Variants in JAK2 observed in about 807,000 individuals in gnomAD.
JAK2 encodes the protein Janus kinase 2.
A neutral mutation model predicts 139.3 loss-of-function variants in JAK2; 86 were observed. The observed-to-expected ratio is 0.62, with a 90% CI of 0.52 to 0.74. JAK2 has a LOEUF of 0.74. Ranked by LOEUF, JAK2 falls within the 30% of genes least tolerant of loss-of-function variation. The probability of loss-of-function intolerance (pLI) is 0.00; values close to 1 mark genes in which losing one functional copy is unlikely to be tolerated. For synonymous variants in JAK2, 490 were observed against 437.7 expected, an observed-to-expected ratio of 1.12 and a Z score of -1.49; for missense variants, 1,421 against 1,360.3, an observed-to-expected ratio of 1.04 and a Z score of -0.70.
intron 22 of JAK2, among the ~76,000 whole-genome samples, chr9:5,102,044 C>T (rs1045773294): frequency 1.7e-4 from 26 of 152,114 alleles, no homozygotes; most frequent in African/African-American, 3.4e-4. Context: ...ATGACTTTGA[C>T]GAGCTGACAG....
intron 2 of JAK2, among the ~76,000 whole-genome samples, chr9:4,994,635 A>G (rs1245025482): frequency 2.6e-5 from 4 of 152,226 alleles, no homozygotes; most frequent in African/African-American, 9.7e-5. Context: ...GCAGTTATAG[A>G]CAATACGTAA....
intron 22 of JAK2, among the ~76,000 whole-genome samples, chr9:5,120,858 A>G (rs1199815268): frequency 6.6e-6 from 1 of 152,224 alleles, no homozygotes; most frequent in Non-Finnish European, 1.5e-5. Flanking sequence ...TTGTGATGCT[A>G]TTTATTGCAT....
intron 3 of JAK2, among the ~76,000 whole-genome samples, chr9:5,025,590 G>A (rs1365799007): frequency 6.7e-6 from 1 of 149,494 alleles, no homozygotes; most frequent in Non-Finnish European, 1.5e-5. Context: ...CTGGAGTGCA[G>A]CAGCATGATT....
chr9:5,047,963 G>T (rs1268158303), intron 5 of JAK2, among the ~76,000 whole-genome samples: 1 of 151,992 alleles, frequency 6.6e-6, no homozygotes, highest in Non-Finnish European at 1.5e-5. Context: ...AATATTTAAG[G>T]AATAGTATTT....
intron 2 of JAK2, among the ~76,000 whole-genome samples, chr9:5,003,442 A>G (rs975577413): frequency 9.2e-5 from 14 of 151,984 alleles, no homozygotes; most frequent in African/African-American, 3.4e-4. Flanking sequence ...AGATATTTCC[A>G]TAGATGTATT....
At chr9:5,061,925 C>T (rs984286660) in intron 8 of JAK2, among the ~76,000 whole-genome samples, 1 of 152,118 alleles carries the variant, frequency 6.6e-6, no homozygotes, top group Non-Finnish European at 1.5e-5. Flanking sequence ...GGCCTAATTT[C>T]ATTATTGTTG....
At chr9:5,033,751 A>G (rs532028504) in intron 4 of JAK2, among the ~76,000 whole-genome samples, 9 of 152,270 alleles carry the variant, frequency 5.9e-5, no homozygotes, top group African/African-American at 1.2e-4. Flanking sequence ...CACTAAACAT[A>G]GAAAGGAACA....
chr9:5,093,877 A>T (rs1393211562), intron 22 of JAK2, among the ~76,000 whole-genome samples: 1 of 152,138 alleles, frequency 6.6e-6, no homozygotes, highest in African/African-American at 2.4e-5. Flanking sequence ...TTCAGACCAG[A>T]GTAATCCAGG....
chr9:5,058,310 G>A (rs1817911359), intron 8 of JAK2, among the ~76,000 whole-genome samples: 1 of 152,138 alleles, frequency 6.6e-6, no homozygotes, highest in African/African-American at 2.4e-5. Flanking sequence ...GCTGGCCCAG[G>A]AAACTTAAAA....
chr9:5,086,312 C>T (rs1379874644), intron 19 of JAK2, among the ~76,000 whole-genome samples: 1 of 152,170 alleles, frequency 6.6e-6, no homozygotes, highest in Non-Finnish European at 1.5e-5. Flanking sequence ...CTCTTATATT[C>T]TTTATATCCT....
intron 2 of JAK2, among the ~76,000 whole-genome samples, chr9:5,005,731 C>T (rs1434585373): frequency 6.6e-6 from 1 of 152,050 alleles, no homozygotes; most frequent in African/African-American, 2.4e-5. Context: ...TGTATAAGCT[C>T]AATGTTTCTT....
chr9:4,988,226 G>C (rs1379593412), intron 2 of JAK2, among the ~76,000 whole-genome samples: 1 of 152,184 alleles, frequency 6.6e-6, no homozygotes, highest in Admixed American at 6.5e-5. Context: ...AAGGTGCCCA[G>C]AGCACCTCAG....
At chr9:5,125,753 T>C (rs577644349) in intron 23 of JAK2, among the ~76,000 whole-genome samples, 1 of 71,002 alleles carries the variant, frequency 1.4e-5, no homozygotes, top group African/African-American at 9.6e-5. Flanking sequence ...TGACTATATA[T>C]TTGTTGGGTG....
At chr9:5,126,128 T>TTA in intron 23 of JAK2, 2 of 455,660 alleles carry the variant, frequency 4.4e-6, no homozygotes, top group Non-Finnish European at 7.7e-6. Context: ...GTTGAGTTTA[T>TTA]TACAGCTATG....
Position 5,039,515 on chromosome 9 carries a change from T to G in JAK2, c.351-4888T>G, listed in dbSNP as rs150033886. ...AGATTTTGGTATGTGTGGGAGGTTC[T>G]GGAACTAGTACTGCATAGATACCAA... is the stretch of plus-strand genomic sequence containing the variant. On this transcript the variant is annotated intron_variant, in intron 4 of 24. Coordinates refer to ENST00000381652, the MANE Select transcript of JAK2 (RefSeq NM_004972.4). Among the ~76,000 whole-genome samples the G allele has an allele frequency of 1.4e-4, 22 of 152,250 alleles. No homozygotes were observed. In the East Asian group the frequency reaches 4.2e-3, roughly 29 times the overall value.
At position 5,064,979 on chromosome 9, in the gene JAK2, A is replaced by G. The variant is rs1250998599; in HGVS notation, c.1153A>G (p.Lys385Glu). The change falls in exon 9 of 25, where the codon AAA becomes GAA. Residue 385 changes from lysine to glutamate, a missense_variant. Lys to Glu is a moderately conservative substitution (Grantham distance 56). Transcript: ENST00000381652. The stretch of plus-strand genomic sequence containing the variant: ...TGCAGATGCACATCATTACCTCTGT[A>G]AAGAAGTAGCACCTCCAGCCGTGCT... ...LTADAHHYLC[K>E]EVAPPAVLEN... 6.2e-7 allele frequency: 1 copy of G among 1,611,220 alleles called. No homozygotes were observed. Among genetic ancestry groups the G allele is most frequent in the Non-Finnish European group, 8.5e-7 (1 of 1,178,398 alleles).
At chr9:5,085,654 G>A (rs1340326167) in intron 19 of JAK2, 5 of 724,268 alleles carry the variant, frequency 6.9e-6, no homozygotes, top group Non-Finnish European at 1.3e-5. Context: ...GATCTTGTGT[G>A]TTTTCCTTTT....
At chr9:5,032,469 C>T (rs1051302749) in intron 4 of JAK2, among the ~76,000 whole-genome samples, 1 of 152,184 alleles carries the variant, frequency 6.6e-6, no homozygotes, top group Admixed American at 6.5e-5. Context: ...CCCTGAACCC[C>T]GAGTAGCCTA....
In JAK2 at chr9:5,066,800, C is replaced by G; in HGVS notation, c.1326+11C>G. ...ACTTTTGCTGTCGAGGTTAGTATGT[C>G]ACACTTATTAGTGGTAACACTTTAT... On this transcript the variant is annotated intron_variant, in intron 10 of 24. Coordinates refer to ENST00000381652, the MANE Select transcript of JAK2 (RefSeq NM_004972.4). The G allele has an allele frequency of 1.6e-6, 2 of 1,259,826 alleles. No homozygotes were observed. Among genetic ancestry groups the G allele is most frequent in the Non-Finnish European group, 2.2e-6 (2 of 902,496 alleles). 78.0% of individuals were successfully genotyped at this position (1,259,826 alleles called of 1,614,324 possible).
Sources: gnomAD v4.1 joint callset for allele counts (sites outside exome capture counted in the v4.1 genomes callset) on GRCh38, gnomAD v4.1.1 for gene constraint, MANE v1.5 for transcripts, NCBI Gene and HGNC (gene_info 2026-07-23, HGNC 2026-07-21) for gene names.